IQCM: variants seen among roughly 807,000 people sequenced by gnomAD.
IQCM encodes the protein IQ motif containing M, also known as IQ domain-containing protein M.
A neutral mutation model predicts 57.6 loss-of-function variants in IQCM; 45 were observed. The observed-to-expected ratio is 0.78, with a 90% CI of 0.62 to 1.00. IQCM has a LOEUF of 1.00. Among genes scored for constraint, IQCM ranks in the 50% least tolerant of loss-of-function variants. IQCM has a pLI of 0.00. For synonymous variants in IQCM, 148 were observed against 158.9 expected (o/e 0.93, Z 0.51); for missense variants, 468 against 511.6 (o/e 0.91, Z 0.82).
intron 10 of IQCM, among the ~76,000 whole-genome samples, chr4:149,555,863 C>A (rs1463153002): frequency 6.6e-6 from 1 of 152,160 alleles, no homozygotes; most frequent in Non-Finnish European, 1.5e-5. Flanking sequence ...CTGAATGTAA[C>A]AACTCTTTTG....
intron 5 of IQCM, among the ~76,000 whole-genome samples, chr4:149,697,210 G>A (rs1271885609): frequency 6.6e-6 from 1 of 151,824 alleles, no homozygotes; most frequent in Non-Finnish European, 1.5e-5. Context: ...CATTTTATCT[G>A]CTATTACACT....
At chr4:149,380,933 A>G (rs918513519) in intron 13 of IQCM, among the ~76,000 whole-genome samples, 1 of 152,306 alleles carries the variant, frequency 6.6e-6, no homozygotes, top group East Asian at 1.9e-4. Context: ...TTTAATATCC[A>G]GAGTTGGTAT....
At chr4:149,664,049 T>C (rs555149105) in intron 7 of IQCM, among the ~76,000 whole-genome samples, 1 of 152,246 alleles carries the variant, frequency 6.6e-6, no homozygotes, top group East Asian at 1.9e-4. Context: ...AAAGCAAGTT[T>C]ATAAATTTTT....
At chr4:149,456,709 A>T (rs1489041003) in intron 12 of IQCM, among the ~76,000 whole-genome samples, 5 of 152,042 alleles carry the variant, frequency 3.3e-5, no homozygotes, top group Admixed American at 3.3e-4. Context: ...CTCTCATGAG[A>T]GTCTTATAAC....
At chr4:149,684,647 T>C (rs992791155) in intron 6 of IQCM, among the ~76,000 whole-genome samples, 1 of 151,486 alleles carries the variant, frequency 6.6e-6, no homozygotes, top group East Asian at 1.9e-4. Flanking sequence ...GCTGTTTCCT[T>C]ATCTTCATTA....
At chr4:149,684,351 G>C (rs1201030559) in intron 6 of IQCM, among the ~76,000 whole-genome samples, 1 of 151,218 alleles carries the variant, frequency 6.6e-6, no homozygotes, top group Non-Finnish European at 1.5e-5. Context: ...TTTTGCTCAA[G>C]GAAATTTCTT....
chr4:149,524,165 C>G (rs1745933457), intron 12 of IQCM, among the ~76,000 whole-genome samples: 1 of 152,120 alleles, frequency 6.6e-6, no homozygotes, highest in Non-Finnish European at 1.5e-5. Context: ...CAGAAAAGAG[C>G]AGATGCTGTA....
intron 12 of IQCM, among the ~76,000 whole-genome samples, chr4:149,481,701 G>GTGTTTTTTTTTTTTTTTTTTTT: frequency 1.9e-5 from 1 of 51,580 alleles, no homozygotes; most frequent in East Asian, 5.3e-4. Flanking sequence ...TTCCAGTTTT[G>GTGTTTTTTTTTTTTTTTTTTTT]TTTTTTTTTT....
chr4:149,764,075 A>AGGAT (rs1769798019), intron 2 of IQCM, among the ~76,000 whole-genome samples: 1 of 152,148 alleles, frequency 6.6e-6, no homozygotes, highest in Non-Finnish European at 1.5e-5. Context: ...GATTTCAGTG[A>AGGAT]GGATGCTCTT....
intron 9 of IQCM, among the ~76,000 whole-genome samples, chr4:149,570,633 TATA>T (rs1465313499): frequency 3.9e-5 from 6 of 152,014 alleles, no homozygotes; most frequent in African/African-American, 1.4e-4. Flanking sequence ...TATGAAAGAA[TATA>T]ATGTGACACC....
chr4:149,675,870 C>T (rs1449209529), intron 7 of IQCM, among the ~76,000 whole-genome samples: 1 of 151,924 alleles, frequency 6.6e-6, no homozygotes, highest in African/African-American at 2.4e-5. Context: ...AATTTTCTAA[C>T]TTTTTATCTC....
intron 12 of IQCM, among the ~76,000 whole-genome samples, chr4:149,459,341 G>A (rs1343327168): frequency 6.6e-6 from 1 of 152,214 alleles, no homozygotes; most frequent in Admixed American, 6.5e-5. Flanking sequence ...ATCACTAAAT[G>A]TTGGCTGTTG....
intron 7 of IQCM, among the ~76,000 whole-genome samples, chr4:149,629,732 G>A (rs1757096194): frequency 1.3e-5 from 2 of 151,932 alleles, no homozygotes; most frequent in African/African-American, 4.8e-5. Context: ...GTAAAAGTGG[G>A]CAAAAATTAT....
intron 2 of IQCM, among the ~76,000 whole-genome samples, chr4:149,748,495 C>T (rs1452497447): frequency 1.3e-5 from 2 of 152,102 alleles, no homozygotes; most frequent in African/African-American, 2.4e-5. Context: ...AAAATTCTTA[C>T]TTTTTTTGGC....
chr4:149,501,197 A>G (rs990482602), intron 12 of IQCM, among the ~76,000 whole-genome samples: 1 of 152,062 alleles, frequency 6.6e-6, no homozygotes, highest in Non-Finnish European at 1.5e-5. Flanking sequence ...TATTCTCCCT[A>G]TTGCCTCCAC....
chr4:149,553,702 A>G (rs1343553911), intron 10 of IQCM, among the ~76,000 whole-genome samples: 2 of 152,182 alleles, frequency 1.3e-5, no homozygotes, highest in Admixed American at 1.3e-4. Context: ...TTGGGAAATT[A>G]TACATTCATG....
At chr4:149,763,732 C>T (rs1769760867) in intron 2 of IQCM, among the ~76,000 whole-genome samples, 1 of 152,056 alleles carries the variant, frequency 6.6e-6, no homozygotes, top group Non-Finnish European at 1.5e-5. Flanking sequence ...AGGATTCAAT[C>T]CAGACTCCTC....
chr4:149,645,596 C>T (rs924903954), intron 7 of IQCM, among the ~76,000 whole-genome samples: 2 of 152,172 alleles, frequency 1.3e-5, no homozygotes, highest in Non-Finnish European at 2.9e-5. Flanking sequence ...TGTCCAATTT[C>T]ACCTTTTTCT....
At chr4:149,364,732 T>A (rs1729719368) in intron 13 of IQCM, among the ~76,000 whole-genome samples, 1 of 152,100 alleles carries the variant, frequency 6.6e-6, no homozygotes, top group African/African-American at 2.4e-5. Flanking sequence ...ATGTAGCTTA[T>A]AGAATATTGA....
Sources: gnomAD v4.1 joint callset for allele counts (sites outside exome capture counted in the v4.1 genomes callset) on GRCh38, gnomAD v4.1.1 for gene constraint, MANE v1.5 for transcripts, NCBI Gene and HGNC (gene_info 2026-07-23, HGNC 2026-07-21) for gene names.